Variants in MARCHF1 observed in about 807,000 individuals in gnomAD.
MARCHF1 encodes the protein membrane associated ring-CH-type finger 1.
In MARCHF1, 40 loss-of-function variants were observed where a neutral mutation model predicts 54.2. The observed-to-expected ratio is 0.74, with a 90% CI of 0.57 to 0.96. The LOEUF is 0.96. Among genes scored for constraint, MARCHF1 ranks in the 40% least tolerant of loss-of-function variants. The probability of loss-of-function intolerance (pLI) is 0.00; values close to 1 mark genes in which losing one functional copy is unlikely to be tolerated. For synonymous variants in MARCHF1, 236 were observed against 236.3 expected (o/e 1.00, Z 0.01); for missense variants, 586 against 656.5 (o/e 0.89, Z 1.17).
intron 8 of MARCHF1, among the ~76,000 whole-genome samples, chr4:163,557,439 G>A (rs900807595): frequency 2.0e-5 from 3 of 152,142 alleles, no homozygotes; most frequent in African/African-American, 7.2e-5. Context: ...CAGTTCCAAG[G>A]ATACCAGAAT....
At chr4:163,668,049 C>G (rs1458054879) in intron 5 of MARCHF1, among the ~76,000 whole-genome samples, 1 of 152,148 alleles carries the variant, frequency 6.6e-6, no homozygotes. Flanking sequence ...CCAGCTATTT[C>G]TCATTAGAAA....
chr4:163,650,787 T>A (rs1742935790), intron 5 of MARCHF1, among the ~76,000 whole-genome samples: 1 of 151,966 alleles, frequency 6.6e-6, no homozygotes, highest in Non-Finnish European at 1.5e-5. Flanking sequence ...AATTTGTGTG[T>A]CTTCCACCCT....
chr4:163,882,555 G>T (rs1280388947), intron 3 of MARCHF1, among the ~76,000 whole-genome samples: 2 of 152,108 alleles, frequency 1.3e-5, no homozygotes, highest in Non-Finnish European at 2.9e-5. Flanking sequence ...TTTTTATTTT[G>T]ATTTATTCCT....
At chr4:163,559,318 C>A (rs114622525) in intron 8 of MARCHF1, among the ~76,000 whole-genome samples, 144 of 152,244 alleles carry the variant, frequency 9.5e-4, no homozygotes, top group African/African-American at 3.1e-3. Flanking sequence ...TTTTAAAATG[C>A]AACTTTAGTT....
rs1025789164 is a variant in MARCHF1 at position 163,525,327 on chromosome 4, G to A, written c.*3421C>T. ...AAACAAGATAAAAAACCATGAGGTC[G>A]TCTGTCTGGGACTATAATCACGTGT... On this transcript the variant is annotated 3_prime_UTR_variant, in exon 10 of 10. Transcript: ENST00000514618. 3 of 151,726 alleles carry A rather than the reference G, an allele frequency of 2.0e-5. No homozygotes were observed. The highest frequency in any genetic ancestry group is 3.9e-4 in the East Asian group (2 of 5,182). 9.4% of individuals were successfully genotyped at this position (151,726 alleles called of 1,614,324 possible).
chr4:164,015,981 TC>T (rs1242909622), intron 2 of MARCHF1, among the ~76,000 whole-genome samples: 1 of 151,580 alleles, frequency 6.6e-6, no homozygotes, highest in Non-Finnish European at 1.5e-5. Flanking sequence ...AGAAAGGCAA[TC>T]AATATATCGA....
At chr4:163,890,045 C>T (rs960554894) in intron 3 of MARCHF1, among the ~76,000 whole-genome samples, 18 of 150,562 alleles carry the variant, frequency 1.2e-4, no homozygotes, top group African/African-American at 4.4e-4. Flanking sequence ...CTGTCTCAGC[C>T]TCCCGAGTAG....
chr4:163,529,070 G>GTT (rs1344375483), intron 9 of MARCHF1, 24 bp from the exon 10 acceptor site: 1 of 1,565,646 alleles, frequency 6.4e-7, no homozygotes, highest in South Asian at 1.2e-5. Context: ...AAGAGAAAAT[G>GTT]TTATCACCAA....
At chr4:164,057,215 A>G (rs1754512498) in intron 2 of MARCHF1, among the ~76,000 whole-genome samples, 2 of 152,190 alleles carry the variant, frequency 1.3e-5, no homozygotes, top group Non-Finnish European at 2.9e-5. Flanking sequence ...CTTTTTTATA[A>G]TAATCATAAC....
intron 8 of MARCHF1, among the ~76,000 whole-genome samples, chr4:163,582,541 C>A (rs541179255): frequency 1.3e-5 from 2 of 152,250 alleles, no homozygotes; most frequent in African/African-American, 4.8e-5. Flanking sequence ...AGAATTATAC[C>A]TTACTACTTT....
intron 1 of MARCHF1, among the ~76,000 whole-genome samples, chr4:164,217,395 A>G (rs2111137456): frequency 6.6e-6 from 1 of 152,354 alleles, no homozygotes; most frequent in African/African-American, 2.4e-5. Flanking sequence ...AGAAAACAAA[A>G]TGATTCTGTG....
chr4:164,328,238 A>G (rs1421303636), intron 1 of MARCHF1, among the ~76,000 whole-genome samples: 4 of 151,706 alleles, frequency 2.6e-5, no homozygotes, highest in African/African-American at 7.2e-5. Context: ...GTGCGTTCTG[A>G]AAGATGCTAA....
intron 2 of MARCHF1, among the ~76,000 whole-genome samples, chr4:164,067,612 T>C (rs757386282): frequency 2.0e-5 from 3 of 152,162 alleles, no homozygotes; most frequent in Non-Finnish European, 4.4e-5. Context: ...ATGTAAGACC[T>C]CAAACTATAA....
At chr4:163,782,418 C>A (rs572357234) in intron 4 of MARCHF1, among the ~76,000 whole-genome samples, 74 of 152,140 alleles carry the variant, frequency 4.9e-4, no homozygotes, top group African/African-American at 1.7e-3. Flanking sequence ...TGCCTGTATT[C>A]CCAGCACTTT....
At chr4:164,189,091 A>T in intron 1 of MARCHF1, 1 of 684,646 alleles carries the variant, frequency 1.5e-6, no homozygotes, top group Admixed American at 2.1e-5. Context: ...CACCATTGAC[A>T]ATGGTGTCTT....
intron 4 of MARCHF1, among the ~76,000 whole-genome samples, chr4:163,791,160 T>A (rs574317676): frequency 6.6e-6 from 1 of 152,164 alleles, no homozygotes; most frequent in Non-Finnish European, 1.5e-5. Context: ...AACTAAGGCA[T>A]ATAAGAATGT....
intron 1 of MARCHF1, among the ~76,000 whole-genome samples, chr4:164,218,433 C>A (rs1296713545): frequency 1.3e-5 from 2 of 151,648 alleles, no homozygotes; most frequent in Non-Finnish European, 2.9e-5. Flanking sequence ...GGTGACAGGG[C>A]AGTAACCACA....
At chr4:163,938,905 A>T (rs1751854886) in intron 3 of MARCHF1, among the ~76,000 whole-genome samples, 1 of 152,170 alleles carries the variant, frequency 6.6e-6, no homozygotes, top group African/African-American at 2.4e-5. Context: ...AACCTACACC[A>T]TGATTCAATT....
At chr4:163,782,541 A>C (rs1366798049) in intron 4 of MARCHF1, among the ~76,000 whole-genome samples, 1 of 151,926 alleles carries the variant, frequency 6.6e-6, no homozygotes, top group Non-Finnish European at 1.5e-5. Context: ...ATGGTGGTGC[A>C]CACCTGTTAT....
Sources: gnomAD v4.1 joint callset for allele counts (sites outside exome capture counted in the v4.1 genomes callset) on GRCh38, gnomAD v4.1.1 for gene constraint, MANE v1.5 for transcripts, NCBI Gene and HGNC (gene_info 2026-07-23, HGNC 2026-07-21) for gene names.